NKAIN1: variants seen among roughly 807,000 people sequenced by gnomAD.
The protein encoded by NKAIN1 is sodium/potassium-transporting ATPase subunit beta-1-interacting protein 1.
In NKAIN1, 13 loss-of-function variants were observed where a neutral mutation model predicts 31.6. The observed-to-expected ratio is 0.41, with a 90% confidence interval of 0.27 to 0.65. NKAIN1 has a LOEUF of 0.65. Among genes scored for constraint, NKAIN1 ranks in the 30% least tolerant of loss-of-function variants. The pLI, the probability that NKAIN1 is intolerant of heterozygous loss-of-function variation, is 0.30. For synonymous variants in NKAIN1, 104 were observed against 109.0 expected, an observed-to-expected ratio of 0.95 and a Z score of 0.28; for missense variants, 193 against 262.2, an observed-to-expected ratio of 0.74 and a Z score of 1.82.
In NKAIN1 at chr1:31,181,525, A is replaced by ATCCAAG. The variant is rs1290710495; in HGVS notation, c.*172_*177dup. 43 of 532,090 alleles carry ATCCAAG rather than the reference A, an allele frequency of 8.1e-5. No homozygotes were observed. The highest frequency in any genetic ancestry group is 5.4e-4 in the Middle Eastern group (1 of 1,848). The allele number at this position is 532,090 out of a possible 1,614,324, so 33.0% of individuals were successfully genotyped here. ...CCGGGCTGCGAAGAGCCAAGCTCAA[A>ATCCAAG]TCCAAGTCCAAGTCCAAGTCCACGT... On this transcript the variant is annotated 3_prime_UTR_variant, in exon 7 of 7. Transcript: ENST00000373736.
At chr1:31,216,257 G>C (rs1457348759) in intron 1 of NKAIN1, among the ~76,000 whole-genome samples, 2 of 152,206 alleles carry the variant, frequency 1.3e-5, no homozygotes, top group Middle Eastern at 3.4e-3. Context: ...AGCAGGAGTG[G>C]AGCGAGGAGG....
intron 1 of NKAIN1, 137 bp from the exon 2 acceptor site, chr1:31,188,324 C>G: frequency 1.1e-6 from 1 of 921,698 alleles, no homozygotes; most frequent in Middle Eastern, 2.9e-4. Context: ...CAGTCCTTCA[C>G]TACCAAAGGG....
intron 1 of NKAIN1, among the ~76,000 whole-genome samples, chr1:31,207,850 T>C (rs1171459436): frequency 1.3e-5 from 2 of 152,088 alleles, no homozygotes; most frequent in East Asian, 1.9e-4. Context: ...CTCTCAACCC[T>C]TGGAGAAGTG....
chr1:31,182,436 G>T, intron 5 of NKAIN1, 94 bp downstream of exon 5: 1 of 1,438,100 alleles, frequency 7.0e-7, no homozygotes, highest in South Asian at 1.2e-5. Context: ...GCCGACCCTG[G>T]GCTCCCTCCC....
At chr1:31,223,389 A>G (rs1041996371) in intron 1 of NKAIN1, among the ~76,000 whole-genome samples, 4 of 151,646 alleles carry the variant, frequency 2.6e-5, no homozygotes, top group African/African-American at 7.3e-5. Flanking sequence ...AAAAAAAAAA[A>G]AAAAGAAAGA....
intron 4 of NKAIN1, among the ~76,000 whole-genome samples, chr1:31,183,403 G>A (rs977100968): frequency 1.4e-5 from 2 of 146,452 alleles, no homozygotes; most frequent in Non-Finnish European, 3.0e-5. Context: ...CAGACAAAAG[G>A]ACAGACAGGC....
At chr1:31,201,261 G>A (rs984802546) in intron 1 of NKAIN1, among the ~76,000 whole-genome samples, 8 of 152,042 alleles carry the variant, frequency 5.3e-5, no homozygotes, top group African/African-American at 1.9e-4. Flanking sequence ...TCTCCCAGAA[G>A]ATCAGTAACC....
chr1:31,189,728 C>G (rs183811614), intron 1 of NKAIN1, among the ~76,000 whole-genome samples: 5 of 152,212 alleles, frequency 3.3e-5, no homozygotes, highest in Non-Finnish European at 5.9e-5. Context: ...GCCAAATAAT[C>G]AAAGACAATG....
intron 1 of NKAIN1, among the ~76,000 whole-genome samples, chr1:31,213,765 C>T (rs1402159848): frequency 3.3e-5 from 5 of 151,986 alleles, no homozygotes; most frequent in East Asian, 1.9e-4. Flanking sequence ...GAGGGTGAAG[C>T]GGGAGGATCC....
chr1:31,226,777 G>A (rs1441483956), intron 1 of NKAIN1, among the ~76,000 whole-genome samples: 3 of 151,898 alleles, frequency 2.0e-5, no homozygotes, highest in African/African-American at 4.8e-5. Context: ...GCCCGCCTCC[G>A]TCTCCCAAAG....
At chr1:31,225,144 C>T (rs1262268779) in intron 1 of NKAIN1, among the ~76,000 whole-genome samples, 1 of 149,860 alleles carries the variant, frequency 6.7e-6, no homozygotes, top group African/African-American at 2.5e-5. Flanking sequence ...TCTCCTGCCT[C>T]AGCCTCCCAA....
intron 1 of NKAIN1, among the ~76,000 whole-genome samples, chr1:31,222,558 T>G (rs1395227625): frequency 6.6e-6 from 1 of 152,190 alleles, no homozygotes; most frequent in Non-Finnish European, 1.5e-5. Context: ...CATTCTTTCT[T>G]CAGCTGGTGC....
At chr1:31,183,436 C>CTTTTTTTTTTTTTTTTTT (rs3046278) in intron 4 of NKAIN1, among the ~76,000 whole-genome samples, 10 of 106,696 alleles carry the variant, frequency 9.4e-5, no homozygotes, top group African/African-American at 5.6e-4. Context: ...TTCATTCCCT[C>CTTTTTTTTTTTTTTTTTT]TTTTTTTTTT....
chr1:31,238,706 G>A (rs946402895), intron 1 of NKAIN1, among the ~76,000 whole-genome samples: 2 of 152,136 alleles, frequency 1.3e-5, no homozygotes, highest in Non-Finnish European at 2.9e-5. Flanking sequence ...TGCTGGCCCC[G>A]GCAGAGGAGC....
rs3046278 is a variant in NKAIN1 at position 31,183,436 on chromosome 1, C to CTTTTTTTTTTT, written c.471+370_471+380dup. 9.3e-4 allele frequency among the ~76,000 whole-genome samples: 99 copies of CTTTTTTTTTTT among 106,674 alleles called. 6 individuals carry two copies. Among genetic ancestry groups the CTTTTTTTTTTT allele is most frequent in the African/African-American group, 5.2e-3 (93 of 17,884 alleles). The allele number at this position is 106,674 out of a possible 152,430, so 70.0% of individuals were successfully genotyped here. On this transcript the variant is annotated intron_variant, in intron 4 of 6. Transcript: ENST00000373736. ...GGCGGAAGACCTAGGTTCATTCCCT[C>CTTTTTTTTTTT]TTTTTTTTTTTTTTTTTTTTTTTTT...
rs891230529 is a variant in NKAIN1, at chr1:31,233,672, C to T, written c.54+5822G>A. On this transcript the variant is annotated intron_variant, in intron 1 of 6. Coordinates refer to ENST00000373736, the MANE Select transcript of NKAIN1 (RefSeq NM_024522.3). This position sits in a 1 kb window ranked among gnomAD's most constrained non-coding sequence, Gnocchi z 4.0. ...GTGTTTGTGGGAATGACCCTGATCA[C>T]GAAATCCTCTAATACAGGCAGAGAT... Among the ~76,000 whole-genome samples, 2 of 152,276 alleles carry T rather than the reference C, an allele frequency of 1.3e-5. No individual in the cohort carries two copies. The highest frequency in any genetic ancestry group is 4.8e-5 in the African/African-American group (2 of 41,552).
chr1:31,197,716 T>C (rs1249596698), intron 1 of NKAIN1, among the ~76,000 whole-genome samples: 3 of 151,170 alleles, frequency 2.0e-5, no homozygotes, highest in Admixed American at 1.3e-4. Flanking sequence ...CCAGCTAATT[T>C]TTATATTTTT....
chr1:31,188,179 C>T lies in NKAIN1; in HGVS notation c.63G>A (p.Ala21=), dbSNP rs549878430. The change falls in exon 2 of 7, where the codon GCG becomes GCA. Residue 21 remains alanine, a synonymous_variant. Transcript: ENST00000373736. ...GGAAGTCAAAGATCTGCCGCTCCAG[C>T]GCAGCCACCTGTGGAAGAGACAGGC... ...VAFCCLQLVA[A]LERQIFDFLG... is the part of the protein sequence containing the mutation. 2.2e-5 allele frequency: 34 copies of T among 1,551,404 alleles called. No homozygotes were observed. Among genetic ancestry groups the T allele is most frequent in the Middle Eastern group, 3.3e-4 (2 of 5,988 alleles).
Position 31,188,045 on chromosome 1 carries a change from C to T in NKAIN1, c.192+5G>A, listed in dbSNP as rs573568007. ...TGGCTTGGGAAGGGGCTAGGTGAGCCGTACCAGGATGAGGTACCGGGAGCG... is the reference window on the plus strand; with the variant it reads ...TGGCTTGGGAAGGGGCTAGGTGAGCTGTACCAGGATGAGGTACCGGGAGCG... On this transcript the variant is annotated splice_donor_5th_base_variant and intron_variant, in intron 2 of 6. Transcript: ENST00000373736. 28 of 1,552,188 alleles carry T rather than the reference C, an allele frequency of 1.8e-5. No homozygotes were observed. The highest frequency in any genetic ancestry group is 6.0e-5 in the South Asian group (5 of 84,026).
Sources: allele counts gnomAD v4.1 joint callset (sites outside exome capture counted in the v4.1 genomes callset), GRCh38; gene constraint gnomAD v4.1.1; non-coding constraint Gnocchi (gnomAD v3.1); transcripts MANE v1.5; gene names NCBI Gene and HGNC (gene_info 2026-07-23, HGNC 2026-07-21).